Variants in ZNF790 observed in about 807,000 individuals in gnomAD.
ZNF790 encodes zinc finger protein 790.
ZNF790 carries 8 observed loss-of-function variants against 12.1 expected under a neutral mutation model. That is an observed-to-expected ratio of 0.66 (90% CI 0.39 to 1.19). The LOEUF (loss-of-function observed/expected upper bound fraction) is 1.19. ZNF790 is among the 50% of genes most tolerant of loss of function. The pLI is 0.01. For synonymous variants in ZNF790, 252 were observed against 244.3 expected (o/e 1.03, Z -0.29); for missense variants, 707 against 752.2 (o/e 0.94, Z 0.70).
intron 4 of ZNF790, among the ~76,000 whole-genome samples, chr19:36,822,536 G>GT (rs371674734): frequency 1.6e-5 from 2 of 128,876 alleles, no homozygotes; most frequent in South Asian, 2.7e-4. Context: ...TTGTTTGTTT[G>GT]TTTGTTTTGT....
intron 1 of ZNF790, among the ~76,000 whole-genome samples, chr19:36,829,060 C>T (rs1409062054): frequency 6.6e-6 from 1 of 151,404 alleles, no homozygotes; most frequent in Non-Finnish European, 1.5e-5. Context: ...AAAGGAGGCC[C>T]GAAGATGTCA....
At chr19:36,845,027 G>A (rs1227566) in intron 1 of ZNF790, among the ~76,000 whole-genome samples, 31,443 of 113,570 alleles carry the variant, frequency 0.28, 4,360 homozygotes, top group Middle Eastern at 0.4. Context: ...CAGCCTGGGC[G>A]ACAGAGCGAG....
chr19:36,829,664 T>C (rs1366904424), intron 1 of ZNF790, among the ~76,000 whole-genome samples: 2 of 152,066 alleles, frequency 1.3e-5, no homozygotes, highest in Admixed American at 6.6e-5. Flanking sequence ...ACCTCTGGGG[T>C]TCAAGTGACT....
intron 2 of ZNF790, among the ~76,000 whole-genome samples, chr19:36,824,376 G>A (rs1032627552): frequency 6.6e-6 from 1 of 151,728 alleles, no homozygotes; most frequent in Non-Finnish European, 1.5e-5. Flanking sequence ...GTGCAATCTC[G>A]ACTCACTGCA....
At chr19:36,821,636 T>C (rs1161765524) in intron 4 of ZNF790, among the ~76,000 whole-genome samples, 1 of 152,078 alleles carries the variant, frequency 6.6e-6, no homozygotes, top group Non-Finnish European at 1.5e-5. Context: ...CAGGTTGGAG[T>C]GCAGTGGCGC....
chr19:36,821,955 T>G (rs2071683174), intron 4 of ZNF790, among the ~76,000 whole-genome samples: 1 of 152,186 alleles, frequency 6.6e-6, no homozygotes, highest in Non-Finnish European at 1.5e-5. Flanking sequence ...CTTCTGCCAC[T>G]TCCTCCTCAC....
chr19:36,818,863 T>G lies in ZNF790; in HGVS notation c.1481A>C (p.Asn494Thr). 6.2e-7 allele frequency: 1 copy of G among 1,613,646 alleles called. No individual in the cohort carries two copies. Among genetic ancestry groups the G allele is most frequent in the Non-Finnish European group, 8.5e-7 (1 of 1,179,890 alleles). Residue 494 changes from asparagine (N) to threonine (T), a missense_variant, in exon 5 of 5, where the codon AAT becomes ACT. Physicochemically the swap from Asn to Thr is moderately conservative, Grantham distance 65. Coordinates refer to ENST00000356725, the MANE Select transcript of ZNF790 (RefSeq NM_206894.4). Reference protein sequence around the residue: ...GKTFFRGSELNRHQKIHTGKR... With the variant: ...GKTFFRGSELTRHQKIHTGKR... ...TCCAGTATGAATTTTCTGGTGTCGA[T>G]TAAGTTCTGAACCACGAAAAAAGGT...
At chr19:36,824,208 A>G (rs1052061214) in intron 2 of ZNF790, among the ~76,000 whole-genome samples, 1 of 151,882 alleles carries the variant, frequency 6.6e-6, no homozygotes, top group Non-Finnish European at 1.5e-5. Context: ...CGTGTTAGTC[A>G]GGATGGTTTT....
chr19:36,823,263 T>C (rs1008997698), intron 4 of ZNF790, 22 bp downstream of exon 4: 2 of 1,600,624 alleles, frequency 1.2e-6, no homozygotes, highest in Admixed American at 3.3e-5. Context: ...GGCCTCCTTG[T>C]GCGTGTTCAG....
chr19:36,845,872 G>A (rs1001562448), intron 1 of ZNF790, among the ~76,000 whole-genome samples: 1 of 151,652 alleles, frequency 6.6e-6, no homozygotes, highest in African/African-American at 2.4e-5. Flanking sequence ...GCAATGGCAT[G>A]ATCTCGGCTC....
intron 1 of ZNF790, among the ~76,000 whole-genome samples, chr19:36,835,608 G>A (rs1052887788): frequency 6.6e-6 from 1 of 152,128 alleles, no homozygotes; most frequent in African/African-American, 2.4e-5. Context: ...CTGCCATGAG[G>A]TAGTGGCTTA....
At chr19:36,842,741 C>G (rs1227562), upstream of ZNF790, among the ~76,000 whole-genome samples, 38,949 of 151,080 alleles carry the variant, frequency 0.26, 5,451 homozygotes, top group Non-Finnish European at 0.32. Context: ...CGCGGTGGCT[C>G]ATGCCTGTAA....
At position 36,818,202 on chromosome 19, in the gene ZNF790, A is replaced by C; in HGVS notation, c.*231T>G. The C allele has an allele frequency of 3.1e-6, 1 of 327,320 alleles. No individual in the cohort carries two copies. The allele number at this position is 327,320 out of a possible 1,614,324, so 20.3% of individuals were successfully genotyped here. ...ATTCAAAAAGAATTCATGCTATCTC[A>C]TAAAATTTTACCCTGATATTCTGCA... On this transcript the variant is annotated 3_prime_UTR_variant, in exon 5 of 5. Coordinates refer to ENST00000356725, the MANE Select transcript of ZNF790 (RefSeq NM_206894.4).
At chr19:36,848,213 T>C (rs1394084469) in intron 1 of ZNF790, among the ~76,000 whole-genome samples, 1 of 152,164 alleles carries the variant, frequency 6.6e-6, no homozygotes, top group African/African-American at 2.4e-5. Flanking sequence ...GTAAAGCCCC[T>C]ACATAACCAC....
chr19:36,842,676 A>C (rs566938428), upstream of ZNF790, among the ~76,000 whole-genome samples: 5 of 151,826 alleles, frequency 3.3e-5, no homozygotes, highest in African/African-American at 4.8e-5. Context: ...AAAAAAAAAA[A>C]ACACAAAGCT....
At position 36,818,388 on chromosome 19, in the gene ZNF790, TAATG is replaced by T. The variant is rs748845073; in HGVS notation, c.*41_*44del. 1.3e-5 allele frequency: 19 copies of T among 1,463,118 alleles called. No homozygotes were observed. The Admixed American group carries it at 1.6e-4, about 13-fold the overall frequency. 90.6% of individuals were successfully genotyped at this position (1,463,118 alleles called of 1,614,324 possible). A position where few individuals can be genotyped will look rare whatever the true frequency, so the allele number is the denominator to read the frequency against. ...AGAGAAAAAAATAAATGACATCAAT[TAATG>T]AGTCATGAATAAAGCCCTTCCTACA... is the stretch of plus-strand genomic sequence containing the variant. On this transcript the variant is annotated 3_prime_UTR_variant, in exon 5 of 5. Transcript: ENST00000356725.
intron 1 of ZNF790, among the ~76,000 whole-genome samples, chr19:36,835,069 C>G (rs931323341): frequency 3.3e-5 from 5 of 152,176 alleles, no homozygotes; most frequent in Admixed American, 2.6e-4. Context: ...GGGCAGATCA[C>G]AAGGTCAGGA....
At chr19:36,831,118 A>G (rs528751883) in intron 1 of ZNF790, among the ~76,000 whole-genome samples, 2 of 146,060 alleles carry the variant, frequency 1.4e-5, no homozygotes, top group African/African-American at 5.2e-5. Flanking sequence ...CAGCCTAGCA[A>G]CAGAGCAAGA....
upstream of ZNF790, among the ~76,000 whole-genome samples, chr19:36,841,218 T>C (rs1196532634): frequency 2.0e-5 from 3 of 152,174 alleles, no homozygotes; most frequent in East Asian, 1.9e-4. Context: ...AAGCACAGGA[T>C]AGCTTGCCAC....
Sources: gnomAD v4.1 joint callset for allele counts (sites outside exome capture counted in the v4.1 genomes callset) on GRCh38, gnomAD v4.1.1 for gene constraint, MANE v1.5 for transcripts, NCBI Gene and HGNC (gene_info 2026-07-23, HGNC 2026-07-21) for gene names.